The following WDR11 variants were observed in gnomAD, a reference collection of about 807,000 sequenced individuals.
The protein encoded by WDR11 is WD repeat-containing protein 11.
In WDR11, 83 loss-of-function variants were observed where a neutral mutation model predicts 151.2. The ratio of observed to expected loss-of-function variants is 0.55; its 90% CI spans 0.46 to 0.66. The LOEUF is 0.66. WDR11 is among the 30% of genes least tolerant of loss of function. The pLI is 0.00. For missense variants in WDR11, 1,301 were observed against 1,480.9 expected (o/e 0.88, Z 1.99); for synonymous variants, 484 against 533.1 (o/e 0.91, Z 1.27).
chr10:120,905,715 C>G, intron 26 of WDR11, 161 bp from the exon 27 acceptor site: 2 of 1,301,772 alleles, frequency 1.5e-6, no homozygotes, highest in Non-Finnish European at 2.2e-6. Context: ...AGGCACAGAC[C>G]GTTATCATTA....
Position 120,862,745 on chromosome 10 carries a change from C to T in WDR11, c.537C>T (p.Ser179=), listed in dbSNP as rs138588847. 5.5e-4 allele frequency: 887 copies of T among 1,614,028 alleles called. 6 individuals are homozygous for T. In the African/African-American group the frequency reaches 0.01, roughly 19 times the overall value. The stretch of plus-strand genomic sequence containing the variant: ...CTTTTCTCAATATAGTGCTTACCAG[C>T]GAGGGTATTGTTTTCATCTCAGACT... ...FDPSHLTLLT[S]EGIVFISDFS... The change falls in exon 5 of 29, where the codon AGC becomes AGT. Residue 179 remains serine (S), a synonymous_variant. Coordinates refer to ENST00000263461, the MANE Select transcript of WDR11 (RefSeq NM_018117.12).
intron 13 of WDR11, among the ~76,000 whole-genome samples, chr10:120,882,486 A>G (rs1445286861): frequency 6.6e-6 from 1 of 151,136 alleles, no homozygotes; most frequent in African/African-American, 2.4e-5. Context: ...TTATTAGGAA[A>G]CCCATCTGAA....
Position 120,909,436 on chromosome 10 carries a change from A to C in WDR11, c.*723A>C, listed in dbSNP as rs1032766049. The C allele has an allele frequency of 2.0e-5, 3 of 152,814 alleles. No homozygotes were observed. Among genetic ancestry groups the C allele is most frequent in the Non-Finnish European group, 2.9e-5 (2 of 68,164 alleles). 9.5% of individuals were successfully genotyped at this position (152,814 alleles called of 1,614,324 possible). ...ATGTTCTCTCTGTTCTAATAGTTGA[A>C]GTATGAGATGTAACTATTATAAACT... On this transcript the variant is annotated 3_prime_UTR_variant, in exon 29 of 29. Transcript: ENST00000263461.
chr10:120,908,470 C>A, intron 28 of WDR11, 86 bp from the exon 29 acceptor site: 1 of 1,433,886 alleles, frequency 7.0e-7, no homozygotes, highest in East Asian at 2.3e-5. Flanking sequence ...GCAGAGCAGA[C>A]GCGACTCACC....
intron 26 of WDR11, 137 bp downstream of exon 26, chr10:120,905,553 C>T (rs1490590719): frequency 5.4e-6 from 5 of 927,244 alleles, no homozygotes; most frequent in Non-Finnish European, 8.6e-6. Flanking sequence ...AACCTTTATC[C>T]TTTTCCTATT....
rs1420065175 is a variant in WDR11, at chr10:120,902,449, T to G, written c.2753+127T>G. The G allele has an allele frequency of 3.6e-5, 29 of 814,000 alleles. 1 individual carries two copies. The East Asian group carries it at 7.5e-4, about 21-fold the overall frequency. 50.4% of individuals were successfully genotyped at this position (814,000 alleles called of 1,614,324 possible). On this transcript the variant is annotated intron_variant, in intron 22 of 28. Coordinates refer to ENST00000263461, the MANE Select transcript of WDR11 (RefSeq NM_018117.12). ...ATCAGTTCATCCTTTAGATTTAACTTAAAATAATTTTGACAGTAGTAATAA... is the reference window on the plus strand; with the variant it reads ...ATCAGTTCATCCTTTAGATTTAACTGAAAATAATTTTGACAGTAGTAATAA...
chr10:120,869,284 T>C (rs929880306), intron 9 of WDR11, among the ~76,000 whole-genome samples: 4 of 151,388 alleles, frequency 2.6e-5, no homozygotes, highest in Non-Finnish European at 4.4e-5. Flanking sequence ...CTAATTTTTT[T>C]GTGTTTTTTT....
At chr10:120,895,817 A>G (rs1196163713) in intron 19 of WDR11, among the ~76,000 whole-genome samples, 1 of 152,224 alleles carries the variant, frequency 6.6e-6, no homozygotes, top group African/African-American at 2.4e-5. Context: ...CAGATTCAAA[A>G]GCTTGAAAAT....
In WDR11 at chr10:120,852,618, A is replaced by G; in HGVS notation, c.181A>G (p.Lys61Glu). Residue 61 changes from lysine (K) to glutamate (E), a missense_variant, in exon 2 of 29, where the codon AAA becomes GAA. Lys to Glu is a moderately conservative substitution (Grantham distance 56). This residue lies in a region of WDR11 where 692 missense variants were observed against 762.5 expected (regional missense o/e 0.91). Transcript: ENST00000263461. ...AACTCTTCAAGTTTTAGAAAAGCAT[A>G]AAGCTGATGTTGTAAAGGTAAGTAA... is the stretch of plus-strand genomic sequence containing the variant. ...AQTLQVLEKH[K>E]ADVVKVKWAR... The G allele has an allele frequency of 6.2e-7, 1 of 1,613,958 alleles. No homozygotes were observed. The highest frequency in any genetic ancestry group is 8.5e-7 in the Non-Finnish European group (1 of 1,179,906).
intron 28 of WDR11, 126 bp from the exon 29 acceptor site, chr10:120,908,430 T>C: frequency 1.0e-6 from 1 of 978,272 alleles, no homozygotes; most frequent in South Asian, 1.3e-5. Flanking sequence ...TGCTGCCCGC[T>C]GTGGACACCA....
At chr10:120,875,428 G>C (rs140355994) in intron 11 of WDR11, among the ~76,000 whole-genome samples, 6 of 152,204 alleles carry the variant, frequency 3.9e-5, no homozygotes, top group African/African-American at 1.4e-4. Context: ...GCATTATTTC[G>C]CTGAATGCAA....
Position 120,874,826 on chromosome 10 carries a change from C to A in WDR11, c.1556+903C>A, listed in dbSNP as rs997842817. Among the ~76,000 whole-genome samples, 4 of 150,710 alleles carry A rather than the reference C, an allele frequency of 2.7e-5. No individual in the cohort carries two copies. In the Admixed American group the frequency reaches 2.7e-4, roughly 10 times the overall value. Reference sequence around the variant, plus strand: ...TTTTTCTTTAATTTTACTTTAAGTTCTGGGATACATGTGCAGAATGTGCAG... The same window carrying A: ...TTTTTCTTTAATTTTACTTTAAGTTATGGGATACATGTGCAGAATGTGCAG... On this transcript the variant is annotated intron_variant, in intron 11 of 28. Transcript: ENST00000263461.
At chr10:120,905,035 T>C (rs908008198) in intron 25 of WDR11, among the ~76,000 whole-genome samples, 2 of 152,194 alleles carry the variant, frequency 1.3e-5, no homozygotes, top group African/African-American at 2.4e-5. Flanking sequence ...GCTGAGATAA[T>C]AGGCATAAAT....
intron 4 of WDR11, 106 bp from the exon 5 acceptor site, chr10:120,862,629 T>A: frequency 8.7e-7 from 1 of 1,149,872 alleles, no homozygotes; most frequent in Non-Finnish European, 1.3e-6. Flanking sequence ...TTGCCAGTTA[T>A]ATATTATTAA....
At chr10:120,901,464 C>T (rs1847812449) in intron 21 of WDR11, among the ~76,000 whole-genome samples, 1 of 152,148 alleles carries the variant, frequency 6.6e-6, no homozygotes. Flanking sequence ...TCTGGGTCTG[C>T]TTCCCGCTTC....
chr10:120,887,724 G>A (rs1847269806), intron 16 of WDR11, among the ~76,000 whole-genome samples: 1 of 152,162 alleles, frequency 6.6e-6, no homozygotes, highest in African/African-American at 2.4e-5. Flanking sequence ...CTTTCCATAA[G>A]GCTGCTTGAG....
At chr10:120,872,672 T>C (rs1846589185) in intron 10 of WDR11, among the ~76,000 whole-genome samples, 1 of 152,128 alleles carries the variant, frequency 6.6e-6, no homozygotes. Context: ...CATTAGATCA[T>C]AGGTTCAGCA....
chr10:120,905,427 C>T lies in WDR11; in HGVS notation c.3291+11C>T, dbSNP rs138045075. 23,986 of 1,614,000 alleles carry T rather than the reference C, an allele frequency of 0.015. 234 individuals are homozygous for T. Among genetic ancestry groups the T allele is most frequent in the Non-Finnish European group, 0.018 (21,698 of 1,179,908 alleles). On this transcript the variant is annotated intron_variant, in intron 26 of 28. Transcript: ENST00000263461. ...GCATGGCTGGCAAAAGTAGGTGGTT[C>T]CAAGTTTCAATAGGTGCCCTCAACA...
At chr10:120,854,239 T>A (rs1845874314) in intron 2 of WDR11, among the ~76,000 whole-genome samples, 1 of 152,214 alleles carries the variant, frequency 6.6e-6, no homozygotes, top group Non-Finnish European at 1.5e-5. Flanking sequence ...GTCTGTAGAC[T>A]GGCCCATTCT....
Sources: gnomAD v4.1 joint callset for allele counts (sites outside exome capture counted in the v4.1 genomes callset) on GRCh38, gnomAD v4.1.1 for gene constraint, gnomAD v4.1.1 regional missense constraint, MANE v1.5 for transcripts, NCBI Gene and HGNC (gene_info 2026-07-23, HGNC 2026-07-21) for gene names.